SH3RF2: variants seen among roughly 807,000 people sequenced by gnomAD.
SH3RF2 encodes E3 ubiquitin-protein ligase SH3RF2.
Under a neutral mutation model 59.0 loss-of-function variants are expected in SH3RF2, and 43 were observed. That is an observed-to-expected ratio of 0.73 (90% CI 0.57 to 0.94). The LOEUF (loss-of-function observed/expected upper bound fraction) is 0.94, where lower values mean the gene tolerates loss of function less well. Among genes scored for constraint, SH3RF2 ranks in the 40% least tolerant of loss-of-function variants. SH3RF2 has a pLI of 0.00. For synonymous variants in SH3RF2, 391 were observed against 391.5 expected (o/e 1.00, Z 0.01); for missense variants, 930 against 940.1 (o/e 0.99, Z 0.14).
chr5:146,079,613 C>G (rs1763393348), exon 10 of SH3RF2: 1 of 152,200 alleles, frequency 6.6e-6, no homozygotes, highest in Non-Finnish European at 1.5e-5. Context: ...TCAGCCAGAC[C>G]ATGAGCAGAG....
At chr5:145,941,887 T>A (rs1173644662) in intron 2 of SH3RF2, among the ~76,000 whole-genome samples, 2 of 152,232 alleles carry the variant, frequency 1.3e-5, no homozygotes, top group African/African-American at 4.8e-5. Context: ...AAGTGCTCAG[T>A]AAATGTTAGC....
At chr5:145,991,332 G>C (rs760136421) in intron 2 of SH3RF2, among the ~76,000 whole-genome samples, 1 of 152,210 alleles carries the variant, frequency 6.6e-6, no homozygotes, top group South Asian at 2.1e-4. Flanking sequence ...GCATATGAAT[G>C]AGATAATACA....
At chr5:145,944,259 C>CA (rs1757930319) in intron 2 of SH3RF2, among the ~76,000 whole-genome samples, 2 of 150,566 alleles carry the variant, frequency 1.3e-5, no homozygotes, top group South Asian at 2.1e-4. Flanking sequence ...TTCCAAAATC[C>CA]AAAAAAAATC....
Position 145,990,241 on chromosome 5 carries a change from C to T in SH3RF2, c.379-9817C>T, listed in dbSNP as rs541832038. Among the ~76,000 whole-genome samples, 9 of 152,160 alleles carry T rather than the reference C, an allele frequency of 5.9e-5. No individual in the cohort carries two copies. In the East Asian group the frequency reaches 7.7e-4, roughly 13 times the overall value. On this transcript the variant is annotated intron_variant, in intron 2 of 9. Transcript: ENST00000359120. ...TTCTACAGCTTCTTTCAGGAAAGTGCGTCTACTGGTTGGGAAATATCACCA... is the reference window on the plus strand; with the variant it reads ...TTCTACAGCTTCTTTCAGGAAAGTGTGTCTACTGGTTGGGAAATATCACCA...
downstream of SH3RF2, among the ~76,000 whole-genome samples, chr5:146,064,799 G>A (rs1266648982): frequency 0.053 from 1,467 of 27,500 alleles, 53 homozygotes; most frequent in Non-Finnish European, 0.074. Flanking sequence ...AAGGAAGGAA[G>A]GAAGGAAGGA....
At position 145,997,345 on chromosome 5, in the gene SH3RF2, C is replaced by T. The variant is rs910172901; in HGVS notation, c.379-2713C>T. Reference sequence around the variant, plus strand: ...CAGCTCCCCGTATATACTGCACCACCGCTCCAGTCTAAATATGTTGAAGAG... The same window carrying T: ...CAGCTCCCCGTATATACTGCACCACTGCTCCAGTCTAAATATGTTGAAGAG... On this transcript the variant is annotated intron_variant, in intron 2 of 9. Coordinates refer to ENST00000359120, the MANE Select transcript of SH3RF2 (RefSeq NM_152550.4). 53 of 1,153,920 alleles carry T rather than the reference C, an allele frequency of 4.6e-5. 1 individual carries two copies. The highest frequency in any genetic ancestry group is 6.1e-5 in the South Asian group (5 of 81,866). 71.5% of individuals were successfully genotyped at this position (1,153,920 alleles called of 1,614,324 possible).
chr5:146,034,877 C>G (rs530374150), intron 5 of SH3RF2, among the ~76,000 whole-genome samples: 4 of 152,156 alleles, frequency 2.6e-5, no homozygotes, highest in Non-Finnish European at 5.9e-5. Context: ...GAGGCCAAGG[C>G]AGGTGAATCA....
intron 5 of SH3RF2, among the ~76,000 whole-genome samples, chr5:146,020,955 G>A (rs1561746553): frequency 6.6e-6 from 1 of 152,152 alleles, no homozygotes; most frequent in Non-Finnish European, 1.5e-5. Flanking sequence ...GGGGAATTCT[G>A]AGGTCTATAA....
At chr5:146,031,143 G>A (rs1224948291) in intron 5 of SH3RF2, among the ~76,000 whole-genome samples, 10 of 152,244 alleles carry the variant, frequency 6.6e-5, no homozygotes, top group Non-Finnish European at 4.4e-5. Flanking sequence ...TGCCTGGGAG[G>A]ACACCATCCC....
intron 4 of SH3RF2, among the ~76,000 whole-genome samples, chr5:146,012,445 C>A (rs1467669727): frequency 6.6e-6 from 1 of 152,114 alleles, no homozygotes; most frequent in Non-Finnish European, 1.5e-5. Context: ...ATGGTACCAG[C>A]TCCTCCTTGT....
At chr5:146,069,530 TATC>T (rs1248506509) in intron 9 of SH3RF2, among the ~76,000 whole-genome samples, 1 of 152,014 alleles carries the variant, frequency 6.6e-6, no homozygotes, top group Non-Finnish European at 1.5e-5. Context: ...TTTAATAAAT[TATC>T]ATAAGAACCT....
chr5:145,998,071 T>A, intron 2 of SH3RF2: 3 of 571,282 alleles, frequency 5.3e-6, no homozygotes, highest in Non-Finnish European at 9.5e-6. Context: ...TTGCAAATAA[T>A]GATGAAAAAA....
intron 5 of SH3RF2, among the ~76,000 whole-genome samples, chr5:146,015,495 G>A (rs1206299949): frequency 6.6e-6 from 1 of 152,040 alleles, no homozygotes; most frequent in Non-Finnish European, 1.5e-5. Flanking sequence ...TGGGAGCCTT[G>A]TGACTCACAA....
chr5:146,078,162 A>G (rs1403998581), intron 9 of SH3RF2, among the ~76,000 whole-genome samples: 1 of 152,208 alleles, frequency 6.6e-6, no homozygotes, highest in Non-Finnish European at 1.5e-5. Context: ...AAACTAGTGG[A>G]TGAAAGCTTG....
chr5:145,979,384 G>C (rs1580805212), intron 2 of SH3RF2, among the ~76,000 whole-genome samples: 1 of 152,224 alleles, frequency 6.6e-6, no homozygotes, highest in Admixed American at 6.5e-5. Flanking sequence ...TACTTTTAAA[G>C]AGGGATTTGT....
chr5:145,999,329 A>G (rs1328586273), intron 2 of SH3RF2, among the ~76,000 whole-genome samples: 1 of 152,190 alleles, frequency 6.6e-6, no homozygotes, highest in African/African-American at 2.4e-5. Flanking sequence ...AACTTTCTCC[A>G]TATCGGCAAT....
intron 2 of SH3RF2, 72 bp downstream of exon 2, chr5:145,938,378 T>C (rs1187210770): frequency 1.4e-5 from 21 of 1,458,732 alleles, no homozygotes; most frequent in Non-Finnish European, 1.6e-5. Flanking sequence ...GAGCTAGAGA[T>C]TATCTTCTTT....
At position 146,033,750 on chromosome 5, in the gene SH3RF2, G is replaced by A. The variant is rs112201844; in HGVS notation, c.1060-14022G>A. On this transcript the variant is annotated intron_variant, in intron 5 of 9. Transcript: ENST00000359120. ...CTCCCAAAGTGCTGAGATTACAGGC[G>A]TGAGCCACTGCACCTGGCCATGCCC... Among the ~76,000 whole-genome samples, 946 of 152,224 alleles carry A rather than the reference G, an allele frequency of 6.2e-3. 5 individuals are homozygous for A. Among genetic ancestry groups the A allele is most frequent in the Non-Finnish European group, 9.5e-3 (645 of 68,018 alleles).
At chr5:145,950,546 AG>A (rs1758154670) in intron 2 of SH3RF2, among the ~76,000 whole-genome samples, 1 of 152,200 alleles carries the variant, frequency 6.6e-6, no homozygotes, top group African/African-American at 2.4e-5. Flanking sequence ...AAACAGGAGA[AG>A]GGGAAATTCA....
Sources: allele counts gnomAD v4.1 joint callset (sites outside exome capture counted in the v4.1 genomes callset), GRCh38; gene constraint gnomAD v4.1.1; transcripts MANE v1.5; gene names NCBI Gene and HGNC (gene_info 2026-07-23, HGNC 2026-07-21).